Variants in MGAT4C observed in about 807,000 individuals in gnomAD.
MGAT4C encodes alpha-1,3-mannosyl-glycoprotein 4-beta-N-acetylglucosaminyltransferase C.
MGAT4C carries 19 observed loss-of-function variants against 40.1 expected under a neutral mutation model. The ratio of observed to expected loss-of-function variants is 0.47; its 90% CI spans 0.33 to 0.70. The LOEUF (loss-of-function observed/expected upper bound fraction) is 0.70, where lower values mean the gene tolerates loss of function less well. Among genes scored for constraint, MGAT4C ranks in the 30% least tolerant of loss-of-function variants. The probability of loss-of-function intolerance (pLI) is 0.02; values close to 1 mark genes in which losing one functional copy is unlikely to be tolerated. For synonymous variants in MGAT4C, 181 were observed against 187.1 expected (o/e 0.97, Z 0.27); for missense variants, 491 against 563.2 (o/e 0.87, Z 1.30).
chr12:86,679,203 T>A (rs1949932125), intron 2 of MGAT4C, among the ~76,000 whole-genome samples: 1 of 152,200 alleles, frequency 6.6e-6, no homozygotes, highest in Non-Finnish European at 1.5e-5. Flanking sequence ...TTTTTTCATG[T>A]GTTTTTTGGC....
intron 2 of MGAT4C, among the ~76,000 whole-genome samples, chr12:86,441,617 A>G (rs1957229955): frequency 6.6e-6 from 1 of 150,840 alleles, no homozygotes; most frequent in Admixed American, 6.7e-5. Context: ...TTGTTCTTGC[A>G]ACAGTTTGCT....
Position 86,054,120 on chromosome 12 carries a change from T to A in MGAT4C, c.-56-4397A>T, listed in dbSNP as rs543432693. Among the ~76,000 whole-genome samples the A allele has an allele frequency of 2.6e-5, 4 of 152,146 alleles. No homozygotes were observed. The East Asian group carries it at 7.7e-4, about 29-fold the overall frequency. ...ATAATCAAATGAAATGAAATCAGTATGTCAAAGAGATACCTGCACTCCCAT... is the reference window on the plus strand; with the variant it reads ...ATAATCAAATGAAATGAAATCAGTAAGTCAAAGAGATACCTGCACTCCCAT... On this transcript the variant is annotated intron_variant, in intron 1 of 4. Transcript: ENST00000611864.
chr12:86,678,184 C>T (rs80343170), intron 2 of MGAT4C, among the ~76,000 whole-genome samples: 1 of 151,986 alleles, frequency 6.6e-6, no homozygotes, highest in Non-Finnish European at 1.5e-5. Context: ...AAGTGGGGAG[C>T]AAAGCAAAAC....
intron 2 of MGAT4C, among the ~76,000 whole-genome samples, chr12:86,008,674 G>A (rs1198138321): frequency 2.0e-5 from 3 of 152,158 alleles, no homozygotes; most frequent in Non-Finnish European, 2.9e-5. Flanking sequence ...AAACTTTTGT[G>A]CTTTGTTATG....
intron 2 of MGAT4C, among the ~76,000 whole-genome samples, chr12:86,489,161 G>T (rs890568613): frequency 3.5e-4 from 53 of 152,156 alleles, no homozygotes; most frequent in African/African-American, 1.2e-3. Context: ...ATATCAGGGA[G>T]AAGCGACTTA....
chr12:86,004,717 A>C (rs1887695296), intron 2 of MGAT4C, among the ~76,000 whole-genome samples: 1 of 152,122 alleles, frequency 6.6e-6, no homozygotes, highest in South Asian at 2.1e-4. Flanking sequence ...TTGGTTCTTA[A>C]ATGTCCTATT....
chr12:86,228,105 A>G (rs1249441746), intron 1 of MGAT4C, among the ~76,000 whole-genome samples: 2 of 152,028 alleles, frequency 1.3e-5, no homozygotes, highest in East Asian at 3.9e-4. Context: ...AGGGGTACAA[A>G]GGATACATAA....
intron 1 of MGAT4C, among the ~76,000 whole-genome samples, chr12:86,746,179 G>A (rs532635739): frequency 1.3e-5 from 2 of 151,702 alleles, no homozygotes; most frequent in South Asian, 4.1e-4. Context: ...AAACACTTGT[G>A]GTATTGTCTG....
chr12:86,838,137 A>G (rs978481777), intron 1 of MGAT4C, among the ~76,000 whole-genome samples: 2 of 152,224 alleles, frequency 1.3e-5, no homozygotes, highest in African/African-American at 2.4e-5. Context: ...TTATATCTAC[A>G]TAATATTATC....
At chr12:86,668,075 T>C (rs1964159658) in intron 2 of MGAT4C, among the ~76,000 whole-genome samples, 1 of 152,238 alleles carries the variant, frequency 6.6e-6, no homozygotes, top group African/African-American at 2.4e-5. Context: ...CATTGATAGA[T>C]TGTGCATAAT....
chr12:86,454,569 A>G (rs1219815343), intron 2 of MGAT4C, among the ~76,000 whole-genome samples: 2 of 152,098 alleles, frequency 1.3e-5, no homozygotes, highest in Non-Finnish European at 1.5e-5. Flanking sequence ...TGATAGGTAG[A>G]TAGACAGACA....
At chr12:86,188,994 T>C (rs756954157) in intron 1 of MGAT4C, among the ~76,000 whole-genome samples, 8 of 151,954 alleles carry the variant, frequency 5.3e-5, no homozygotes, top group Non-Finnish European at 8.8e-5. Context: ...CAGGTTTTGC[T>C]ATGTTTTATG....
intron 2 of MGAT4C, among the ~76,000 whole-genome samples, chr12:86,549,667 C>G (rs908332240): frequency 6.6e-6 from 1 of 152,158 alleles, no homozygotes; most frequent in Non-Finnish European, 1.5e-5. Context: ...GTAACGTCAG[C>G]AAGACGCCTC....
intron 2 of MGAT4C, among the ~76,000 whole-genome samples, chr12:86,035,775 C>G (rs1289167783): frequency 6.7e-6 from 1 of 149,682 alleles, no homozygotes; most frequent in African/African-American, 2.4e-5. Context: ...GAGGGAACCC[C>G]ATTTCAGCTT....
At chr12:86,642,991 A>G (rs953210818) in intron 2 of MGAT4C, among the ~76,000 whole-genome samples, 1 of 151,818 alleles carries the variant, frequency 6.6e-6, no homozygotes, top group Non-Finnish European at 1.5e-5. Context: ...TAGAGTTACC[A>G]TAGTACCTAG....
chr12:86,602,580 A>G (rs1593032439), intron 2 of MGAT4C, among the ~76,000 whole-genome samples: 1 of 152,174 alleles, frequency 6.6e-6, no homozygotes, highest in South Asian at 2.1e-4. Flanking sequence ...ATACTGATAT[A>G]CCAGTATGTT....
chr12:86,633,465 C>T (rs1963124916), intron 2 of MGAT4C, among the ~76,000 whole-genome samples: 1 of 152,030 alleles, frequency 6.6e-6, no homozygotes. Context: ...GCATACTTTG[C>T]AGGCCATAGT....
intron 2 of MGAT4C, 40 bp from the exon 3 acceptor site, chr12:85,989,592 G>T: frequency 8.6e-6 from 13 of 1,518,716 alleles, no homozygotes; most frequent in Non-Finnish European, 1.1e-5. Context: ...AGTTGGTTTT[G>T]GATGCAAATA....
intron 2 of MGAT4C, among the ~76,000 whole-genome samples, chr12:86,587,731 A>G (rs887321923): frequency 6.6e-6 from 1 of 151,540 alleles, no homozygotes; most frequent in Non-Finnish European, 1.5e-5. Context: ...GAGTTCACTC[A>G]TGATTTGGCT....
Sources: allele counts gnomAD v4.1 joint callset (sites outside exome capture counted in the v4.1 genomes callset), GRCh38; gene constraint gnomAD v4.1.1; transcripts MANE v1.5; gene names NCBI Gene and HGNC (gene_info 2026-07-23, HGNC 2026-07-21).